GATA2: variants seen among roughly 807,000 people sequenced by gnomAD.
GATA2 encodes GATA binding protein 2.
In GATA2, 6 loss-of-function variants were observed where a neutral mutation model predicts 35.7. That is an observed-to-expected ratio of 0.17 (90% CI 0.09 to 0.33). GATA2 has a LOEUF of 0.33. Among genes scored for constraint, GATA2 ranks in the 10% least tolerant of loss-of-function variants. The pLI, the probability that GATA2 is intolerant of heterozygous loss-of-function variation, is 1.00. For synonymous variants in GATA2, 313 were observed against 274.9 expected (o/e 1.14, Z -1.37); for missense variants, 541 against 656.6 (o/e 0.82, Z 1.92).
In GATA2 at chr3:128,481,390, G is replaced by C. The variant is rs2068626771; in HGVS notation, c.1144-72C>G. ...AACATTCCTCCCACCCCGCCACAGCGTGGACCAGAGGCAGGTCAAGCTGAG... is the reference window on the plus strand; with the variant it reads ...AACATTCCTCCCACCCCGCCACAGCCTGGACCAGAGGCAGGTCAAGCTGAG... On this transcript the variant is annotated intron_variant, in intron 5 of 5. Coordinates refer to ENST00000341105, the MANE Select transcript of GATA2 (RefSeq NM_032638.5). 12 of 1,537,528 alleles carry C rather than the reference G, an allele frequency of 7.8e-6. No homozygotes were observed. In the South Asian group the frequency reaches 1.2e-4, roughly 16 times the overall value.
rs545512377 is a variant in GATA2 at position 128,481,332 on chromosome 3, C to T, written c.1144-14G>A. Reference sequence around the variant, plus strand: ...TGGCCTGTTAACCTAGAGGCAACCACCAGTTTTCAGAGGGCCAGTTCCTTC... The same window carrying T: ...TGGCCTGTTAACCTAGAGGCAACCATCAGTTTTCAGAGGGCCAGTTCCTTC... On this transcript the variant is annotated splice_polypyrimidine_tract_variant and intron_variant, in intron 5 of 5. Transcript: ENST00000341105. The T allele has an allele frequency of 1.2e-6, 2 of 1,610,428 alleles. No individual in the cohort carries two copies. Among genetic ancestry groups the T allele is most frequent in the African/African-American group, 2.7e-5 (2 of 75,052 alleles).
intron 4 of GATA2, among the ~76,000 whole-genome samples, chr3:128,482,534 G>A (rs1240576029): frequency 2.0e-5 from 3 of 152,138 alleles, no homozygotes; most frequent in Non-Finnish European, 4.4e-5. Flanking sequence ...TCAATTGCAC[G>A]AGCCACATTT....
rs1413946801 is a variant in GATA2, at chr3:128,486,309, A to T, written c.289T>A (p.Trp97Arg). 6.3e-7 allele frequency: 1 copy of T among 1,595,690 alleles called. No individual in the cohort carries two copies. The part of the protein sequence containing the change: ...PHLLHSPGLP[W>R]LDGGKAALSA... ...AGGGCTGCTTTGCCCCCGTCCAGCC[A>T]GGGCAAACCCGGGCTGTGCAACAAG... Residue 97 changes from tryptophan (W) to arginine (R), a missense_variant, in exon 3 of 6, where the codon TGG (tryptophan) becomes AGG (arginine). Physicochemically the swap from Trp to Arg is moderately radical, Grantham distance 101. Around this residue, in one of 5 missense-constraint regions of GATA2, gnomAD observed 389 missense variants for 396.9 expected, o/e 0.98. Transcript: ENST00000341105.
chr3:128,482,196 G>A, intron 4 of GATA2: 3 of 544,494 alleles, frequency 5.5e-6, no homozygotes, highest in South Asian at 2.1e-5. Flanking sequence ...GAGCTACAGA[G>A]GAGAATTAGC....
chr3:128,486,704 G>T, intron 2 of GATA2, 99 bp downstream of exon 2: 2 of 1,219,616 alleles, frequency 1.6e-6, no homozygotes, highest in Non-Finnish European at 2.3e-6. Flanking sequence ...CTCGATTCCT[G>T]CGGATCCTAC....
chr3:128,484,158 G>C (rs2068665491), intron 3 of GATA2, among the ~76,000 whole-genome samples, 153 bp from the exon 4 acceptor site: 2 of 152,232 alleles, frequency 1.3e-5, no homozygotes, highest in African/African-American at 4.8e-5. Flanking sequence ...GGCAGGAAGA[G>C]GGACGAGAGG....
At position 128,484,014 on chromosome 3, in the gene GATA2, G is replaced by C. The variant is rs1462260680; in HGVS notation, c.872-9C>G. ...GACACACTCCCGGCCTTCTGCAGGG[G>C]AACAGGGAGAGACACGGGGGCCTGC... On this transcript the variant is annotated splice_polypyrimidine_tract_variant and intron_variant, in intron 3 of 5. Coordinates refer to ENST00000341105, the MANE Select transcript of GATA2 (RefSeq NM_032638.5). 6.2e-7 allele frequency: 1 copy of C among 1,612,104 alleles called. No individual in the cohort carries two copies. The highest frequency in any genetic ancestry group is 1.7e-5 in the Admixed American group (1 of 60,010).
In GATA2 at chr3:128,485,823, C is replaced by T. The variant is rs768133841; in HGVS notation, c.775G>A (p.Asp259Asn). 6.2e-7 allele frequency: 1 copy of T among 1,613,850 alleles called. No homozygotes were observed. The highest frequency in any genetic ancestry group is 1.7e-5 in the Admixed American group (1 of 60,012). Residue 259 changes from aspartate to asparagine, a missense_variant, in exon 3 of 6, where the codon GAC becomes AAC. By Grantham distance (23) the Asp-to-Asn change is conservative. This residue lies in a region of GATA2 where 389 missense variants were observed against 396.9 expected (regional missense o/e 0.98). Coordinates refer to ENST00000341105, the MANE Select transcript of GATA2 (RefSeq NM_032638.5). ...YPSYVPAAAHDYSSGLFHPGG... is the reference protein window; with the variant it reads ...YPSYVPAAAHNYSSGLFHPGG... The stretch of plus-strand genomic sequence containing the variant: ...GGGTGGAAGAGTCCGCTGCTGTAGT[C>T]GTGGGCAGCCGCCGGCACATAGGAG...
intron 4 of GATA2, 50 bp downstream of exon 4, chr3:128,483,810 G>A (rs756899916): frequency 1.4e-5 from 22 of 1,612,884 alleles, no homozygotes; most frequent in Admixed American, 5.0e-5. Flanking sequence ...GTAATTAACC[G>A]CCAGCTCCTG....
At chr3:128,489,522 C>T (rs1441903774) in intron 1 of GATA2, 2 of 152,370 alleles carry the variant, frequency 1.3e-5, no homozygotes, top group African/African-American at 4.8e-5. Flanking sequence ...GCCTCCCGCT[C>T]CCCTCCACGC....
rs2068796525 is a variant in GATA2, at chr3:128,492,989, G to C, written c.-136C>G. On this transcript the variant is annotated 5_prime_UTR_variant, in exon 1 of 6. Transcript: ENST00000341105. Reference sequence around the variant, plus strand: ...GAGGTGCGCGGCAGGCGGGCTCGCGGGACCTGGGCGCGGGGTGGCGGCGCT... The same window carrying C: ...GAGGTGCGCGGCAGGCGGGCTCGCGCGACCTGGGCGCGGGGTGGCGGCGCT... The C allele has an allele frequency of 6.5e-6, 1 of 153,064 alleles. No individual in the cohort carries two copies. Among genetic ancestry groups the C allele is most frequent in the African/African-American group, 2.4e-5 (1 of 41,454 alleles). The allele number at this position is 153,064 out of a possible 1,614,324, so 9.5% of individuals were successfully genotyped here.
At chr3:128,486,749 C>A in intron 2 of GATA2, 54 bp downstream of exon 2, 1 of 1,507,584 alleles carries the variant, frequency 6.6e-7, no homozygotes, top group Non-Finnish European at 9.1e-7. Context: ...CTCCTCCCCT[C>A]CCTCGCCTGG....
Position 128,485,945 on chromosome 3 carries a change from G to C in GATA2, c.653C>G (p.Thr218Arg), listed in dbSNP as rs2068690379. 1 of 1,614,054 alleles carries C rather than the reference G, an allele frequency of 6.2e-7. No individual in the cohort carries two copies. The highest frequency in any genetic ancestry group is 8.5e-7 in the Non-Finnish European group (1 of 1,180,034). The change falls in exon 3 of 6, where the codon ACG becomes AGG. Residue 218 changes from threonine (T) to arginine (R), a missense_variant. Thr to Arg is a moderately conservative substitution (Grantham distance 71). This residue lies in a region of GATA2 where 389 missense variants were observed against 396.9 expected (regional missense o/e 0.98). Coordinates refer to ENST00000341105, the MANE Select transcript of GATA2 (RefSeq NM_032638.5). ...KDGVKYQVSLTESMKMESGSP... is the reference protein window; with the variant it reads ...KDGVKYQVSLRESMKMESGSP... ...GCCACTTTCCATCTTCATGCTCTCCGTCAGTGACACCTGGTACTTGACGCC... is the reference window on the plus strand; with the variant it reads ...GCCACTTTCCATCTTCATGCTCTCCCTCAGTGACACCTGGTACTTGACGCC...
At chr3:128,485,216 G>A (rs980115315) in intron 3 of GATA2, among the ~76,000 whole-genome samples, 1 of 152,114 alleles carries the variant, frequency 6.6e-6, no homozygotes, top group African/African-American at 2.4e-5. Flanking sequence ...AGGAGATCAG[G>A]GAGCCATCGA....
At chr3:128,492,859 A>C (rs916725763) in intron 1 of GATA2, 40 bp downstream of exon 1, 74 of 152,596 alleles carry the variant, frequency 4.8e-4, no homozygotes, top group Admixed American at 1.8e-3. Flanking sequence ...GGGGGCGGGA[A>C]GGGCCGGGCC....
intron 1 of GATA2, among the ~76,000 whole-genome samples, chr3:128,490,860 A>T (rs2068760488): frequency 6.6e-6 from 1 of 152,158 alleles, no homozygotes; most frequent in Non-Finnish European, 1.5e-5. Flanking sequence ...GGTCCCCAAA[A>T]CACCTTTAGA....
Position 128,479,701 on chromosome 3 carries a change from A to C in GATA2, c.*1318T>G, listed in dbSNP as rs890899099. ...TATTGCACTTGGTCACTACATCAGC[A>C]CAATCCTCCTCCTGGGCCAGGGGCC... On this transcript the variant is annotated 3_prime_UTR_variant, in exon 6 of 6. Coordinates refer to ENST00000341105, the MANE Select transcript of GATA2 (RefSeq NM_032638.5). 7 of 233,678 alleles carry C rather than the reference A, an allele frequency of 3.0e-5. No homozygotes were observed. The highest frequency in any genetic ancestry group is 1.7e-5 in the Non-Finnish European group (2 of 118,092). 14.5% of individuals were successfully genotyped at this position (233,678 alleles called of 1,614,324 possible). A position where few individuals can be genotyped will look rare whatever the true frequency, so the allele number is the denominator to read the frequency against.
At position 128,486,023 on chromosome 3, in the gene GATA2, G is replaced by A. The variant is rs773786765; in HGVS notation, c.575C>T (p.Ser192Phe). 3 of 1,614,180 alleles carry A rather than the reference G, an allele frequency of 1.9e-6. No homozygotes were observed. The Admixed American group carries it at 5.0e-5, about 27-fold the overall frequency. The change falls in exon 3 of 6, where the codon TCT becomes TTT. Residue 192 changes from serine (S) to phenylalanine (F), a missense_variant. Coordinates refer to ENST00000341105, the MANE Select transcript of GATA2 (RefSeq NM_032638.5). ...ACCCCCCGCGGAAGATGAGGCTGGA[G>A]ACGCAGCCCCCGTGGTGCTAGGGTC... Reference protein sequence around the residue: ...SPDPSTTGAASPASSSAGGSA... With the variant: ...SPDPSTTGAAFPASSSAGGSA...
At chr3:128,481,378 C>G in intron 5 of GATA2, 60 bp from the exon 6 acceptor site, 17 of 1,573,428 alleles carry the variant, frequency 1.1e-5, no homozygotes, top group Non-Finnish European at 1.5e-5. Flanking sequence ...ATTCCTCCCA[C>G]CCCGCCACAG....
Sources: allele counts gnomAD v4.1 joint callset (sites outside exome capture counted in the v4.1 genomes callset), GRCh38; gene constraint gnomAD v4.1.1; regional missense constraint gnomAD v4.1.1; transcripts MANE v1.5; gene names NCBI Gene and HGNC (gene_info 2026-07-23, HGNC 2026-07-21).